OR2M4: variants seen among roughly 807,000 people sequenced by gnomAD.
OR2M4 encodes the protein olfactory receptor family 2 subfamily M member 4.
A neutral mutation model predicts 13.7 loss-of-function variants in OR2M4; 8 were observed. The ratio of observed to expected loss-of-function variants is 0.58; its 90% CI spans 0.34 to 1.05. OR2M4 has a LOEUF of 1.05. OR2M4 is among the 50% of genes least tolerant of loss of function. OR2M4 has a pLI of 0.02. For missense variants in OR2M4, 374 were observed against 381.6 expected, an observed-to-expected ratio of 0.98 and a Z score of 0.17; for synonymous variants, 152 against 141.3, an observed-to-expected ratio of 1.08 and a Z score of -0.53.
At chr1:248,236,742 G>C (rs1167701621) in intron 1 of OR2M4, among the ~76,000 whole-genome samples, 1 of 152,046 alleles carries the variant, frequency 6.6e-6, no homozygotes, top group Non-Finnish European at 1.5e-5. Flanking sequence ...TATCACCACT[G>C]ACCCCACAGA....
At chr1:248,234,324 T>C (rs779223470) in intron 1 of OR2M4, among the ~76,000 whole-genome samples, 1 of 152,052 alleles carries the variant, frequency 6.6e-6, no homozygotes, top group Non-Finnish European at 1.5e-5. Flanking sequence ...CCAGGATACA[T>C]GTGCAGAACA....
rs1307597877 is a variant in OR2M4, at chr1:248,239,308, G to A, written c.380G>A (p.Cys127Tyr). 2 of 1,613,922 alleles carry A rather than the reference G, an allele frequency of 1.2e-6. No individual in the cohort carries two copies. The highest frequency in any genetic ancestry group is 1.7e-6 in the Non-Finnish European group (2 of 1,180,014). ...GCTTATGACCGCTATGTGGCTATAT[G>A]TCACCCTCTTCAGTACACCATCCTC... The part of the protein sequence containing the change: ...VMAYDRYVAI[C>Y]HPLQYTILMN... Residue 127 changes from cysteine to tyrosine, a missense_variant, in exon 2 of 2, where the codon TGT (cysteine) becomes TAT (tyrosine). By Grantham distance (194) the Cys-to-Tyr change is radical. Transcript: ENST00000641868.
At chr1:248,235,395 T>G (rs568590933) in intron 1 of OR2M4, among the ~76,000 whole-genome samples, 3 of 152,174 alleles carry the variant, frequency 2.0e-5, no homozygotes, top group Non-Finnish European at 2.9e-5. Flanking sequence ...CCATGCTGTT[T>G]TGATTGCTGT....
intron 1 of OR2M4, among the ~76,000 whole-genome samples, chr1:248,234,833 G>T (rs948129934): frequency 4.6e-5 from 7 of 151,272 alleles, no homozygotes; most frequent in Non-Finnish European, 1.0e-4. Context: ...GTCTGTTCAT[G>T]TCCTTTGCCT....
chr1:248,235,337 G>C (rs1258156895), intron 1 of OR2M4, among the ~76,000 whole-genome samples: 3 of 152,132 alleles, frequency 2.0e-5, no homozygotes, highest in Admixed American at 1.3e-4. Context: ...TTATTTCTGA[G>C]ATCTCTATTC....
Position 248,242,585 on chromosome 1 carries a change from T to A in OR2M4, c.*2721T>A, listed in dbSNP as rs1197895866. The A allele has an allele frequency of 6.6e-6, 1 of 152,154 alleles. No individual in the cohort carries two copies. The highest frequency in any genetic ancestry group is 1.5e-5 in the Non-Finnish European group (1 of 68,040). 9.4% of individuals were successfully genotyped at this position (152,154 alleles called of 1,614,324 possible). ...GAGTTTTACAAAGATTTACTGTACTTTCACTCCCACTCCGGATCTTCTTTA... is the reference window on the plus strand; with the variant it reads ...GAGTTTTACAAAGATTTACTGTACTATCACTCCCACTCCGGATCTTCTTTA... On this transcript the variant is annotated 3_prime_UTR_variant, in exon 2 of 2. Coordinates refer to ENST00000641868, the MANE Select transcript of OR2M4 (RefSeq NM_017504.2).
At chr1:248,238,777 G>C in intron 1 of OR2M4, 133 bp from the exon 2 acceptor site, 1 of 596,562 alleles carries the variant, frequency 1.7e-6, no homozygotes, top group Non-Finnish European at 3.0e-6. Flanking sequence ...AATTTACCAT[G>C]ACTAAAGGAA....
chr1:248,237,224 C>G (rs1666565803), intron 1 of OR2M4, among the ~76,000 whole-genome samples: 1 of 152,116 alleles, frequency 6.6e-6, no homozygotes, highest in African/African-American at 2.4e-5. Context: ...ACGATCAAGT[C>G]AGCTTCATCC....
At chr1:248,233,501 A>G (rs1016914182) in intron 1 of OR2M4, among the ~76,000 whole-genome samples, 3 of 152,166 alleles carry the variant, frequency 2.0e-5, no homozygotes, top group Non-Finnish European at 4.4e-5. Flanking sequence ...TTTGAAAACT[A>G]CTACCTGCTT....
In OR2M4 at chr1:248,239,684, C is replaced by T. The variant is rs765816093; in HGVS notation, c.756C>T (p.Tyr252=). Residue 252 remains tyrosine, a synonymous_variant, in exon 2 of 2, where the codon TAC becomes TAT. Transcript: ENST00000641868. ...ACCTGTCTGTGGTCGGACTCTACTA[C>T]GGTGCTGCTATGTTCATGTACATGA... is the stretch of plus-strand genomic sequence containing the variant. The part of the protein sequence containing the change: ...SSHLSVVGLY[Y]GAAMFMYMRP... 72 of 1,613,942 alleles carry T rather than the reference C, an allele frequency of 4.5e-5. No individual in the cohort carries two copies. The South Asian group carries it at 5.2e-4, about 12-fold the overall frequency.
chr1:248,240,728 A>C lies in OR2M4; in HGVS notation c.*864A>C, dbSNP rs1290136506. ...TTTAACTTTATATCACTGAAGAGGC[A>C]GTGAAGAGGTAGAAAAAACAACTTG... is the stretch of plus-strand genomic sequence containing the variant. On this transcript the variant is annotated 3_prime_UTR_variant, in exon 2 of 2. Coordinates refer to ENST00000641868, the MANE Select transcript of OR2M4 (RefSeq NM_017504.2). 6.6e-6 allele frequency: 1 copy of C among 152,226 alleles called. No homozygotes were observed. The highest frequency in any genetic ancestry group is 1.5e-5 in the Non-Finnish European group (1 of 68,050). The allele number at this position is 152,226 out of a possible 1,614,324, so 9.4% of individuals were successfully genotyped here.
rs1417287158 is a variant in OR2M4 at position 248,241,271 on chromosome 1, T to C, written c.*1407T>C. ...AGAGTGGAGAGGACTTTGTCTCACA[T>C]CTTGGATACCAGTTTAGCCACAGCA... On this transcript the variant is annotated 3_prime_UTR_variant, in exon 2 of 2. Coordinates refer to ENST00000641868, the MANE Select transcript of OR2M4 (RefSeq NM_017504.2). 6.6e-6 allele frequency: 1 copy of C among 152,138 alleles called. No homozygotes were observed. The allele number at this position is 152,138 out of a possible 1,614,324, so 9.4% of individuals were successfully genotyped here.
At chr1:248,234,328 C>G (rs1340672410) in intron 1 of OR2M4, among the ~76,000 whole-genome samples, 1 of 151,702 alleles carries the variant, frequency 6.6e-6, no homozygotes, top group Non-Finnish European at 1.5e-5. Flanking sequence ...GATACATGTG[C>G]AGAACATGCG....
At position 248,242,356 on chromosome 1, in the gene OR2M4, T is replaced by A. The variant is rs1298922711; in HGVS notation, c.*2492T>A. The A allele has an allele frequency of 6.6e-6, 1 of 152,116 alleles. No homozygotes were observed. Among genetic ancestry groups the A allele is most frequent in the Admixed American group, 6.6e-5 (1 of 15,260 alleles). 9.4% of individuals were successfully genotyped at this position (152,116 alleles called of 1,614,324 possible). A position where few individuals can be genotyped will look rare whatever the true frequency, so the allele number is the denominator to read the frequency against. Reference sequence around the variant, plus strand: ...CTCACTGCAGCCTCCACCTCCTGGGTCCAAGTGATTCTCCTGCCTCAGCCT... The same window carrying A: ...CTCACTGCAGCCTCCACCTCCTGGGACCAAGTGATTCTCCTGCCTCAGCCT... On this transcript the variant is annotated 3_prime_UTR_variant, in exon 2 of 2. Transcript: ENST00000641868.
rs1263209670 is a variant in OR2M4, at chr1:248,239,536, G to T, written c.608G>T (p.Cys203Phe). ...TTTGAAAGACTACTTGTCATTTGTT[G>T]TGTGGTAATGCTAATCTTTCCAGTT... ...SAFERLLVIC[C>F]VVMLIFPVSV... Residue 203 changes from cysteine to phenylalanine, a missense_variant, in exon 2 of 2, where the codon TGT (cysteine) becomes TTT (phenylalanine). Coordinates refer to ENST00000641868, the MANE Select transcript of OR2M4 (RefSeq NM_017504.2). The T allele has an allele frequency of 3.1e-6, 5 of 1,614,092 alleles. No individual in the cohort carries two copies. The South Asian group carries it at 4.4e-5, about 14-fold the overall frequency.
chr1:248,239,161 T>G lies in OR2M4; in HGVS notation c.233T>G (p.Leu78Arg). 6.2e-7 allele frequency: 1 copy of G among 1,614,106 alleles called. No individual in the cohort carries two copies. Among genetic ancestry groups the G allele is most frequent in the Non-Finnish European group, 8.5e-7 (1 of 1,179,966 alleles). ...GACCTCATGCTCATCTGCACCACTC[T>G]ACCCAAGATGATCTTCAGCTACTTG... ...LMDLMLICTT[L>R]PKMIFSYLSG... The change falls in exon 2 of 2, where the codon CTA (leucine) becomes CGA (arginine). Residue 78 changes from leucine to arginine, a missense_variant. Physicochemically the swap from Leu to Arg is moderately radical, Grantham distance 102 (BLOSUM62 -2). Coordinates refer to ENST00000641868, the MANE Select transcript of OR2M4 (RefSeq NM_017504.2).
chr1:248,237,070 G>GC (rs1267465146), intron 1 of OR2M4, among the ~76,000 whole-genome samples: 2 of 152,154 alleles, frequency 1.3e-5, no homozygotes, highest in Non-Finnish European at 2.9e-5. Context: ...TATGAGGCCA[G>GC]CATCATCCTG....
Position 248,238,237 on chromosome 1 carries a change from AATT to A in OR2M4, c.-19-670_-19-668del, listed in dbSNP as rs370824250. Among the ~76,000 whole-genome samples, 6 of 152,320 alleles carry A rather than the reference AATT, an allele frequency of 3.9e-5. 1 individual carries two copies. Among genetic ancestry groups the A allele is most frequent in the African/African-American group, 1.4e-4 (6 of 41,544 alleles). On this transcript the variant is annotated intron_variant, in intron 1 of 1. Transcript: ENST00000641868. ...TTCCACACAGAATTGGAAGGAAAAA[AATT>A]ATCCTCAGAAGATAAGTGAACGATT...
intron 1 of OR2M4, among the ~76,000 whole-genome samples, chr1:248,238,459 G>GA (rs879835601): frequency 3.3e-4 from 50 of 150,162 alleles, no homozygotes; most frequent in African/African-American, 8.6e-4. Flanking sequence ...GGATGGTAGG[G>GA]AAAAAAAAAC....
Sources: allele counts gnomAD v4.1 joint callset (sites outside exome capture counted in the v4.1 genomes callset), GRCh38; gene constraint gnomAD v4.1.1; transcripts MANE v1.5; gene names NCBI Gene and HGNC (gene_info 2026-07-23, HGNC 2026-07-21).